MMRN1: variants seen among roughly 807,000 people sequenced by gnomAD.
MMRN1 encodes multimerin-1.
Under a neutral mutation model 100.7 loss-of-function variants are expected in MMRN1, and 94 were observed. The ratio of observed to expected loss-of-function variants is 0.93; its 90% confidence interval spans 0.79 to 1.11. The LOEUF is 1.11. MMRN1 is among the 50% of genes least tolerant of loss of function. The pLI is 0.00. For synonymous variants in MMRN1, 575 were observed against 505.0 expected, an observed-to-expected ratio of 1.14 and a Z score of -1.86; for missense variants, 1,606 against 1,439.1, an observed-to-expected ratio of 1.12 and a Z score of -1.88.
intron 2 of MMRN1, among the ~76,000 whole-genome samples, chr4:89,911,173 T>C (rs1721737092): frequency 6.6e-6 from 1 of 151,556 alleles, no homozygotes; most frequent in East Asian, 1.9e-4. Flanking sequence ...AACTAAATAT[T>C]AAAGTCACAT....
At chr4:89,923,623 C>A (rs900313225) in intron 4 of MMRN1, among the ~76,000 whole-genome samples, 2 of 152,172 alleles carry the variant, frequency 1.3e-5, no homozygotes, top group Non-Finnish European at 2.9e-5. Flanking sequence ...ACAACTTATT[C>A]TTTTAAGGGA....
chr4:89,947,416 T>G (rs1723022313), intron 6 of MMRN1, among the ~76,000 whole-genome samples: 1 of 152,254 alleles, frequency 6.6e-6, no homozygotes, highest in South Asian at 2.1e-4. Flanking sequence ...TGGTATTCTA[T>G]TCCATCTTTT....
chr4:89,901,931 AAG>A (rs1440343200), intron 1 of MMRN1: 1 of 151,948 alleles, frequency 6.6e-6, no homozygotes, highest in African/African-American at 2.4e-5. Context: ...GGTAAATGCT[AAG>A]AGAGTCAGTT....
rs1287776584 is a variant in MMRN1, at chr4:89,924,551, T to A, written c.955+1279T>A. On this transcript the variant is annotated intron_variant, in intron 4 of 7. Coordinates refer to ENST00000264790, the MANE Select transcript of MMRN1 (RefSeq NM_007351.3). ...ATATATTAATTTTTAATTAAAAATT[T>A]AAGTGATTTTAAGCTGGGCACAGTG... Among the ~76,000 whole-genome samples the A allele has an allele frequency of 2.6e-5, 4 of 151,438 alleles. No homozygotes were observed. In the East Asian group the frequency reaches 7.7e-4, roughly 29 times the overall value.
At chr4:89,911,853 C>T in intron 2 of MMRN1, 91 bp from the exon 3 acceptor site, 1 of 755,498 alleles carries the variant, frequency 1.3e-6, no homozygotes, top group Non-Finnish European at 2.3e-6. Flanking sequence ...ATATTGTAGG[C>T]ATTGCCCCAA....
chr4:89,914,672 G>C (rs1432964538), intron 3 of MMRN1, among the ~76,000 whole-genome samples: 1 of 151,376 alleles, frequency 6.6e-6, no homozygotes, highest in Non-Finnish European at 1.5e-5. Flanking sequence ...GTTTGCACAA[G>C]GGTTTTGCCT....
rs570333475 is a variant in MMRN1, at chr4:89,938,747, C to T, written c.3118+1949C>T. Among the ~76,000 whole-genome samples, 244 of 151,834 alleles carry T rather than the reference C, an allele frequency of 1.6e-3. 1 individual carries two copies. The highest frequency in any genetic ancestry group is 0.01 in the Middle Eastern group (3 of 294). On this transcript the variant is annotated intron_variant, in intron 6 of 7. Coordinates refer to ENST00000264790, the MANE Select transcript of MMRN1 (RefSeq NM_007351.3). ...TTTTGATTCTTATTTTCCAATAAGG[C>T]TTTGATAACATTGCTTCCTGTTCCT...
chr4:89,916,082 A>G (rs28648550), intron 3 of MMRN1, among the ~76,000 whole-genome samples: 1 of 151,766 alleles, frequency 6.6e-6, no homozygotes, highest in Non-Finnish European at 1.5e-5. Context: ...CCACTGTCAG[A>G]GATCCTATCA....
chr4:89,906,315 A>C (rs3775465), intron 1 of MMRN1, among the ~76,000 whole-genome samples: 17,023 of 151,558 alleles, frequency 0.11, 1,314 homozygotes, highest in East Asian at 0.3. Flanking sequence ...CAAGCTAGGC[A>C]TTTGCTCATA....
chr4:89,951,522 A>G (rs1215966982), intron 6 of MMRN1, 83 bp from the exon 7 acceptor site: 1 of 1,360,014 alleles, frequency 7.4e-7, no homozygotes, highest in Non-Finnish European at 9.6e-7. Flanking sequence ...TCTTTTTCCT[A>G]TTCTGCTGCA....
chr4:89,909,253 C>A, intron 1 of MMRN1, 23 bp from the exon 2 acceptor site: 1 of 1,554,808 alleles, frequency 6.4e-7, no homozygotes, highest in Non-Finnish European at 8.7e-7. Context: ...AGTTTTTTCC[C>A]TAACAATTAT....
In MMRN1 at chr4:89,939,660, T is replaced by G. The variant is rs1490398473; in HGVS notation, c.3118+2862T>G. Among the ~76,000 whole-genome samples, 4 of 152,290 alleles carry G rather than the reference T, an allele frequency of 2.6e-5. No individual in the cohort carries two copies. In the East Asian group the frequency reaches 7.7e-4, roughly 29 times the overall value. On this transcript the variant is annotated intron_variant, in intron 6 of 7. Coordinates refer to ENST00000264790, the MANE Select transcript of MMRN1 (RefSeq NM_007351.3). ...CTGGCCAGCTAGACTCAGGGCTCAG[T>G]CCTCAACCACATGCTCAAAGAAATT... is the stretch of plus-strand genomic sequence containing the variant.
At chr4:89,915,624 A>G (rs1186544483) in intron 3 of MMRN1, among the ~76,000 whole-genome samples, 4 of 151,566 alleles carry the variant, frequency 2.6e-5, no homozygotes. Context: ...CTAATAAGGA[A>G]GCTGTTGCTC....
Position 89,952,058 on chromosome 4 carries a change from A to G in MMRN1, c.3265+307A>G, listed in dbSNP as rs542914022. ...GTGCATCCTAAAAATATATGGATGTATATATCTGACTGATAGAAACACTTT... is the reference window on the plus strand; with the variant it reads ...GTGCATCCTAAAAATATATGGATGTGTATATCTGACTGATAGAAACACTTT... On this transcript the variant is annotated intron_variant, in intron 7 of 7. Coordinates refer to ENST00000264790, the MANE Select transcript of MMRN1 (RefSeq NM_007351.3). Among the ~76,000 whole-genome samples the G allele has an allele frequency of 2.6e-5, 4 of 152,284 alleles. No individual in the cohort carries two copies. In the East Asian group the frequency reaches 7.7e-4, roughly 29 times the overall value.
At chr4:89,912,905 AATGAGAATCTACAGGCAAATTTCACC>A (rs1721800290) in intron 3 of MMRN1, among the ~76,000 whole-genome samples, 1 of 151,288 alleles carries the variant, frequency 6.6e-6, no homozygotes, top group Non-Finnish European at 1.5e-5. Flanking sequence ...TAGCCTATAC[AATGAGAATCTACAGGCAAATTTCACC>A]ATAATGCTAT....
chr4:89,913,435 G>A lies in MMRN1; in HGVS notation c.850+1385G>A, dbSNP rs771428546. ...GTCATGGACTCTAGTTGATCAGAGCGTTGTTGCTCCGTGCTTCAACCTTTT... is the reference window on the plus strand; with the variant it reads ...GTCATGGACTCTAGTTGATCAGAGCATTGTTGCTCCGTGCTTCAACCTTTT... On this transcript the variant is annotated intron_variant, in intron 3 of 7. Coordinates refer to ENST00000264790, the MANE Select transcript of MMRN1 (RefSeq NM_007351.3). 9.9e-5 allele frequency among the ~76,000 whole-genome samples: 15 copies of A among 151,400 alleles called. No individual in the cohort carries two copies. The East Asian group carries it at 1.6e-3, about 16-fold the overall frequency.
intron 1 of MMRN1, among the ~76,000 whole-genome samples, chr4:89,904,180 A>G (rs1721483341): frequency 1.4e-5 from 2 of 147,634 alleles, no homozygotes; most frequent in Non-Finnish European, 3.0e-5. Context: ...TTCTTCTTCA[A>G]CTCTCTCTGA....
In MMRN1 at chr4:89,927,850, T is replaced by C; in HGVS notation, c.1011T>C (p.Leu337=). The C allele has an allele frequency of 6.2e-7, 1 of 1,612,866 alleles. No individual in the cohort carries two copies. Among genetic ancestry groups the C allele is most frequent in the Non-Finnish European group, 8.5e-7 (1 of 1,179,374 alleles). The part of the protein sequence containing the change: ...QVNYQAMKLT[L]LQKKIDNISL... ...ACTACCAGGCAATGAAACTGACTCT[T>C]CTGCAGAAGAAGATTGACAATATTT... The change falls in exon 5 of 8, where the codon CTT becomes CTC. Residue 337 remains leucine (L), a synonymous_variant. Coordinates refer to ENST00000264790, the MANE Select transcript of MMRN1 (RefSeq NM_007351.3).
chr4:89,942,606 A>AT (rs1280366212), intron 6 of MMRN1, among the ~76,000 whole-genome samples: 1 of 152,130 alleles, frequency 6.6e-6, no homozygotes, highest in African/African-American at 2.4e-5. Flanking sequence ...AATAATTATT[A>AT]TTTTAGGATA....
Sources: allele counts gnomAD v4.1 joint callset (sites outside exome capture counted in the v4.1 genomes callset), GRCh38; gene constraint gnomAD v4.1.1; transcripts MANE v1.5; gene names NCBI Gene and HGNC (gene_info 2026-07-23, HGNC 2026-07-21).